The following MDGA2 variants were observed in gnomAD, a reference collection of about 807,000 sequenced individuals.
The protein encoded by MDGA2 is MAM domain containing glycosylphosphatidylinositol anchor 2.
Under a neutral mutation model 117.8 loss-of-function variants are expected in MDGA2, and 40 were observed. The observed-to-expected ratio is 0.34, with a 90% CI of 0.26 to 0.44. The LOEUF (loss-of-function observed/expected upper bound fraction) is 0.44. Ranked by LOEUF, MDGA2 falls within the 20% of genes least tolerant of loss-of-function variation. MDGA2 has a pLI of 1.00. For synonymous variants in MDGA2, 452 were observed against 439.0 expected (o/e 1.03, Z -0.37); for missense variants, 1,123 against 1,250.6 (o/e 0.90, Z 1.54).
chr14:47,500,385 G>A (rs746155052), intron 1 of MDGA2, among the ~76,000 whole-genome samples: 3 of 152,050 alleles, frequency 2.0e-5, no homozygotes, highest in Non-Finnish European at 4.4e-5. Context: ...CAAAAGAACA[G>A]AAAGAAAACT....
At chr14:47,304,669 G>A (rs1376762661) in intron 1 of MDGA2, among the ~76,000 whole-genome samples, 3 of 152,024 alleles carry the variant, frequency 2.0e-5, no homozygotes, top group Non-Finnish European at 4.4e-5. Flanking sequence ...TTGTTTCTCT[G>A]CTTAAGAACC....
At chr14:47,177,975 A>G (rs906253854) in intron 3 of MDGA2, among the ~76,000 whole-genome samples, 1 of 152,102 alleles carries the variant, frequency 6.6e-6, no homozygotes, top group African/African-American at 2.4e-5. Context: ...ATATATAGTA[A>G]TATTTCATCA....
chr14:47,340,023 A>C, intron 1 of MDGA2, among the ~76,000 whole-genome samples: 1 of 152,166 alleles, frequency 6.6e-6, no homozygotes, highest in East Asian at 1.9e-4. Flanking sequence ...TATGCTCTAA[A>C]GATAGATATA....
At chr14:46,983,809 T>G (rs1886769487) in intron 8 of MDGA2, among the ~76,000 whole-genome samples, 2 of 152,048 alleles carry the variant, frequency 1.3e-5, no homozygotes, top group Non-Finnish European at 2.9e-5. Flanking sequence ...CAGTGAGAAT[T>G]TTGATTAATT....
At chr14:46,885,606 A>G (rs940811551) in intron 10 of MDGA2, among the ~76,000 whole-genome samples, 1 of 152,192 alleles carries the variant, frequency 6.6e-6, no homozygotes, top group Non-Finnish European at 1.5e-5. Context: ...ATCTTTGTGC[A>G]TGTCAGAACC....
chr14:46,888,171 A>G (rs980341750), intron 10 of MDGA2, among the ~76,000 whole-genome samples: 1 of 152,046 alleles, frequency 6.6e-6, no homozygotes, highest in African/African-American at 2.4e-5. Context: ...CAGTTGGCAG[A>G]ATAAGCAATT....
chr14:46,918,322 G>C (rs1296047702), intron 10 of MDGA2, among the ~76,000 whole-genome samples: 2 of 152,098 alleles, frequency 1.3e-5, no homozygotes, highest in Non-Finnish European at 2.9e-5. Context: ...GTAGTAAGGA[G>C]TTTTAAAAAG....
At chr14:47,493,491 A>G (rs1894216018) in intron 1 of MDGA2, among the ~76,000 whole-genome samples, 1 of 151,578 alleles carries the variant, frequency 6.6e-6, no homozygotes, top group Non-Finnish European at 1.5e-5. Flanking sequence ...TGAGTTTTGT[A>G]TTTTTAGTAG....
chr14:47,279,151 C>T (rs955986338), intron 2 of MDGA2, among the ~76,000 whole-genome samples: 4 of 152,006 alleles, frequency 2.6e-5, no homozygotes, highest in African/African-American at 9.7e-5. Context: ...TGGTCAAAAT[C>T]TAGGTGCATT....
chr14:46,963,475 T>A (rs1885891859), intron 8 of MDGA2, among the ~76,000 whole-genome samples: 1 of 152,270 alleles, frequency 6.6e-6, no homozygotes, highest in African/African-American at 2.4e-5. Context: ...GCTCTGGCCA[T>A]ATTCTCAACT....
intron 2 of MDGA2, among the ~76,000 whole-genome samples, chr14:47,256,935 A>G (rs1238494405): frequency 6.6e-6 from 1 of 151,716 alleles, no homozygotes; most frequent in Non-Finnish European, 1.5e-5. Flanking sequence ...GAATGAAGGA[A>G]GTGAGGAATG....
At chr14:47,542,734 A>C (rs185087268) in intron 1 of MDGA2, among the ~76,000 whole-genome samples, 1 of 152,210 alleles carries the variant, frequency 6.6e-6, no homozygotes, top group African/African-American at 2.4e-5. Context: ...ATCAGATTTT[A>C]AAAAAATTTT....
At chr14:47,649,922 A>T (rs1897607477) in intron 1 of MDGA2, among the ~76,000 whole-genome samples, 1 of 152,042 alleles carries the variant, frequency 6.6e-6, no homozygotes, top group Non-Finnish European at 1.5e-5. Context: ...GTAATGGTTA[A>T]TTTTATGTGT....
At chr14:47,153,711 A>AT (rs373581280) in intron 3 of MDGA2, among the ~76,000 whole-genome samples, 4 of 143,936 alleles carry the variant, frequency 2.8e-5, no homozygotes, top group African/African-American at 1.0e-4. Flanking sequence ...AAAAGAAATA[A>AT]AAAAAAAAAA....
At chr14:47,591,331 A>T (rs1484867689) in intron 1 of MDGA2, among the ~76,000 whole-genome samples, 1 of 151,952 alleles carries the variant, frequency 6.6e-6, no homozygotes, top group African/African-American at 2.4e-5. Flanking sequence ...TTTAGTTAAG[A>T]CAGCATGACA....
intron 9 of MDGA2, among the ~76,000 whole-genome samples, chr14:46,943,513 G>C (rs2138587448): frequency 6.6e-6 from 1 of 151,984 alleles, no homozygotes; most frequent in African/African-American, 2.4e-5. Context: ...ACTTTTGAAG[G>C]ATTTTTATAT....
intron 1 of MDGA2, among the ~76,000 whole-genome samples, chr14:47,499,797 T>C (rs1374033851): frequency 6.6e-6 from 1 of 152,192 alleles, no homozygotes; most frequent in Non-Finnish European, 1.5e-5. Flanking sequence ...TGCGATTCCA[T>C]GCTTGAGAAT....
At chr14:47,218,587 A>T (rs1886186363) in intron 2 of MDGA2, among the ~76,000 whole-genome samples, 2 of 152,134 alleles carry the variant, frequency 1.3e-5, no homozygotes, top group South Asian at 4.1e-4. Context: ...TATTTTGTCC[A>T]AGTAGGTTCT....
chr14:47,038,304 A>C lies in MDGA2; in HGVS notation c.1526-3000T>G, dbSNP rs369775865. Among the ~76,000 whole-genome samples, 119 of 152,300 alleles carry C rather than the reference A, an allele frequency of 7.8e-4. 1 individual carries two copies. Among genetic ancestry groups the C allele is most frequent in the African/African-American group, 2.7e-3 (114 of 41,576 alleles). On this transcript the variant is annotated intron_variant, in intron 7 of 16. Transcript: ENST00000399232. The stretch of plus-strand genomic sequence containing the variant: ...ATTGATGTTCTGATTACAAGAATGA[A>C]TAGTAAAAAGTTAAAAAGAGAAGTG...
Sources: gnomAD v4.1 joint callset for allele counts (sites outside exome capture counted in the v4.1 genomes callset) on GRCh38, gnomAD v4.1.1 for gene constraint, MANE v1.5 for transcripts, NCBI Gene and HGNC (gene_info 2026-07-23, HGNC 2026-07-21) for gene names.